The following MYO6 variants were observed in gnomAD, a reference collection of about 807,000 sequenced individuals.
The protein encoded by MYO6 is myosin VI, also known as unconventional myosin-VI.
A neutral mutation model predicts 178.7 loss-of-function variants in MYO6; 74 were observed. The observed-to-expected ratio is 0.41, with a 90% CI of 0.34 to 0.50. The LOEUF (loss-of-function observed/expected upper bound fraction) is 0.50. MYO6 is among the 20% of genes least tolerant of loss of function. The pLI is 0.09. For synonymous variants in MYO6, 477 were observed against 504.6 expected, an observed-to-expected ratio of 0.95 and a Z score of 0.73; for missense variants, 1,330 against 1,547.4, an observed-to-expected ratio of 0.86 and a Z score of 2.36.
At chr6:75,769,719 G>A (rs1778756483) in intron 1 of MYO6, among the ~76,000 whole-genome samples, 1 of 152,116 alleles carries the variant, frequency 6.6e-6, no homozygotes, top group African/African-American at 2.4e-5. Flanking sequence ...GGCTAACACG[G>A]TGAAACCCGT....
chr6:75,799,322 G>A (rs1769190663), intron 1 of MYO6, among the ~76,000 whole-genome samples: 1 of 151,796 alleles, frequency 6.6e-6, no homozygotes, highest in African/African-American at 2.4e-5. Flanking sequence ...CCCAGGAGGT[G>A]GAGGTTGCAG....
intron 1 of MYO6, among the ~76,000 whole-genome samples, chr6:75,773,607 A>G (rs908536236): frequency 1.3e-5 from 2 of 152,216 alleles, no homozygotes; most frequent in African/African-American, 2.4e-5. Context: ...TGTGAGCAGT[A>G]CAGACACAGT....
chr6:75,787,712 CTCTCTCTCTCTCTCTCTCTATATATATA>C (rs1213986988), intron 1 of MYO6, among the ~76,000 whole-genome samples: 8 of 66,988 alleles, frequency 1.2e-4, no homozygotes, highest in Non-Finnish European at 1.2e-4. Context: ...CTCTCTCTCT[CTCTCTCTCTCTCTCTCTCTATATATATA>C]TATATATATA....
At chr6:75,869,588 G>A (rs1352849673) in intron 18 of MYO6, among the ~76,000 whole-genome samples, 1 of 152,060 alleles carries the variant, frequency 6.6e-6, no homozygotes, top group Non-Finnish European at 1.5e-5. Flanking sequence ...TTAGTCTTTT[G>A]TAAGTAGTTT....
At chr6:75,854,436 G>A (rs1775564748) in intron 11 of MYO6, among the ~76,000 whole-genome samples, 1 of 152,050 alleles carries the variant, frequency 6.6e-6, no homozygotes, top group Non-Finnish European at 1.5e-5. Context: ...AAGTCAAGCT[G>A]TTGGAGGAAC....
intron 10 of MYO6, among the ~76,000 whole-genome samples, chr6:75,845,677 G>T (rs1774663130): frequency 6.6e-6 from 1 of 150,758 alleles, no homozygotes; most frequent in African/African-American, 2.4e-5. Context: ...TTGGGCAACA[G>T]AATTAAAAAC....
intron 1 of MYO6, among the ~76,000 whole-genome samples, chr6:75,761,798 T>A (rs935303323): frequency 1.3e-5 from 2 of 150,872 alleles, no homozygotes; most frequent in African/African-American, 2.5e-5. Flanking sequence ...TTTCAGAACA[T>A]GTGGACAACA....
intron 1 of MYO6, among the ~76,000 whole-genome samples, chr6:75,789,637 A>T (rs1166922976): frequency 6.6e-6 from 1 of 151,998 alleles, no homozygotes; most frequent in South Asian, 2.1e-4. Context: ...TATAATTGAC[A>T]CATAATTGTA....
intron 2 of MYO6, among the ~76,000 whole-genome samples, chr6:75,819,446 G>A (rs188355215): frequency 1.3e-5 from 2 of 152,300 alleles, no homozygotes; most frequent in East Asian, 3.9e-4. Flanking sequence ...GGGGTGGACT[G>A]GTCATGCACA....
At chr6:75,887,778 C>G (rs1432369386) in intron 25 of MYO6, among the ~76,000 whole-genome samples, 2 of 141,066 alleles carry the variant, frequency 1.4e-5, no homozygotes. Flanking sequence ...TTGAGACCAT[C>G]CTGGCTAACA....
intron 1 of MYO6, among the ~76,000 whole-genome samples, chr6:75,771,002 CTT>C (rs112998101): frequency 5.0e-5 from 7 of 138,660 alleles, no homozygotes; most frequent in Non-Finnish European, 6.3e-5. Flanking sequence ...TTTTTTTTTT[CTT>C]TTTTTTTTTT....
Position 75,919,095 on chromosome 6 carries a change from GGC to G in MYO6, c.*4084_*4085del, listed in dbSNP as rs1334820713. On this transcript the variant is annotated 3_prime_UTR_variant, in exon 35 of 35. Coordinates refer to ENST00000369977, the MANE Select transcript of MYO6 (RefSeq NM_004999.4). Reference sequence around the variant, plus strand: ...GATGGCGCCATTGCACTCCATCCTGGGCAACAAGAGCGAAATTCCATCTCAAA... The same window carrying G: ...GATGGCGCCATTGCACTCCATCCTGGAACAAGAGCGAAATTCCATCTCAAA... 2 of 151,626 alleles carry G rather than the reference GGC, an allele frequency of 1.3e-5. No individual in the cohort carries two copies. The highest frequency in any genetic ancestry group is 3.9e-4 in the East Asian group (2 of 5,164). The allele number at this position is 151,626 out of a possible 1,614,324, so 9.4% of individuals were successfully genotyped here. A position where few individuals can be genotyped will look rare whatever the true frequency, so the allele number is the denominator to read the frequency against.
intron 16 of MYO6, among the ~76,000 whole-genome samples, chr6:75,864,777 TTTG>T (rs1776508682): frequency 6.6e-6 from 1 of 152,168 alleles, no homozygotes; most frequent in Non-Finnish European, 1.5e-5. Context: ...GGTTATTCCT[TTTG>T]TTGTATTTTT....
chr6:75,777,610 T>A (rs11970084), intron 1 of MYO6, among the ~76,000 whole-genome samples: 4,035 of 150,626 alleles, frequency 0.027, 108 homozygotes, highest in East Asian at 0.079. Flanking sequence ...ATATATATAT[T>A]TTTTTTTGTG....
chr6:75,798,577 A>C (rs150307928), intron 1 of MYO6, among the ~76,000 whole-genome samples: 3 of 152,240 alleles, frequency 2.0e-5, no homozygotes, highest in Non-Finnish European at 4.4e-5. Flanking sequence ...GCATCCCTTC[A>C]TAATAAAAAC....
At chr6:75,819,198 C>G (rs1311057323) in intron 2 of MYO6, among the ~76,000 whole-genome samples, 1 of 152,138 alleles carries the variant, frequency 6.6e-6, no homozygotes, top group African/African-American at 2.4e-5. Flanking sequence ...GTAGATAATT[C>G]TGTGAACTAA....
chr6:75,805,283 G>A (rs2150130134), intron 1 of MYO6, among the ~76,000 whole-genome samples: 1 of 151,896 alleles, frequency 6.6e-6, no homozygotes, highest in South Asian at 2.1e-4. Flanking sequence ...GGGATTACAG[G>A]TGCGAGCCAC....
At chr6:75,866,676 A>G in intron 17 of MYO6, 55 bp downstream of exon 17, 1 of 1,390,054 alleles carries the variant, frequency 7.2e-7, no homozygotes, top group Non-Finnish European at 1.0e-6. Flanking sequence ...TGCACTGTAC[A>G]GTATGATAGC....
intron 30 of MYO6, among the ~76,000 whole-genome samples, chr6:75,907,386 A>G (rs1780411264): frequency 6.6e-6 from 1 of 152,222 alleles, no homozygotes. Flanking sequence ...GTTTGGATTT[A>G]AAATCTAATG....
Sources: gnomAD v4.1 joint callset for allele counts (sites outside exome capture counted in the v4.1 genomes callset) on GRCh38, gnomAD v4.1.1 for gene constraint, MANE v1.5 for transcripts, NCBI Gene and HGNC (gene_info 2026-07-23, HGNC 2026-07-21) for gene names.